The following ACACA variants were observed in gnomAD, a reference collection of about 807,000 sequenced individuals.
ACACA encodes acetyl-CoA carboxylase 1.
Under a neutral mutation model 296.1 loss-of-function variants are expected in ACACA, and 103 were observed. That is an observed-to-expected ratio of 0.35 (90% CI 0.30 to 0.41). The LOEUF (loss-of-function observed/expected upper bound fraction) is 0.41. Ranked by LOEUF, ACACA falls within the 10% of genes least tolerant of loss-of-function variation. ACACA has a pLI of 1.00. For synonymous variants in ACACA, 953 were observed against 1,038.6 expected, an observed-to-expected ratio of 0.92 and a Z score of 1.58; for missense variants, 1,554 against 2,989.7, an observed-to-expected ratio of 0.52 and a Z score of 11.20.
chr17:37,294,122 T>C (rs1241262140), intron 3 of ACACA, among the ~76,000 whole-genome samples: 1 of 151,488 alleles, frequency 6.6e-6, no homozygotes, highest in East Asian at 1.9e-4. Flanking sequence ...CTCTCATTCG[T>C]TGAAAAAAAA....
chr17:37,190,375 A>G (rs2145074826), intron 38 of ACACA, among the ~76,000 whole-genome samples: 1 of 151,970 alleles, frequency 6.6e-6, no homozygotes, highest in African/African-American at 2.4e-5. Flanking sequence ...GGTTGCAATG[A>G]GCTGAGATGG....
At chr17:37,122,490 A>T (rs981035536) in intron 49 of ACACA, 41 bp downstream of exon 49, 33 of 1,535,824 alleles carry the variant, frequency 2.1e-5, no homozygotes, top group Non-Finnish European at 2.9e-5. Context: ...GAAGAGAAAA[A>T]CCCTCCAAGC....
chr17:37,280,425 T>C (rs964693887), intron 5 of ACACA, among the ~76,000 whole-genome samples: 1 of 152,152 alleles, frequency 6.6e-6, no homozygotes, highest in African/African-American at 2.4e-5. Flanking sequence ...CAGGCTGACC[T>C]TGAACTCCTG....
chr17:37,373,687 T>G (rs1043199612), intron 1 of ACACA, among the ~76,000 whole-genome samples: 1 of 152,196 alleles, frequency 6.6e-6, no homozygotes, highest in Admixed American at 6.5e-5. Flanking sequence ...CTTGTGACAC[T>G]GGATGAGAAC....
chr17:37,346,950 G>A (rs1035887955), intron 1 of ACACA, among the ~76,000 whole-genome samples: 3 of 152,116 alleles, frequency 2.0e-5, no homozygotes, highest in African/African-American at 7.2e-5. Context: ...GCTGAAATGA[G>A]TTAAGACTTT....
intron 39 of ACACA, among the ~76,000 whole-genome samples, chr17:37,184,219 C>T (rs911633982): frequency 6.6e-6 from 1 of 152,112 alleles, no homozygotes; most frequent in African/African-American, 2.4e-5. Flanking sequence ...TCACACAAAT[C>T]GTTGTAAACT....
At chr17:37,219,626 A>C (rs1032634194) in intron 29 of ACACA, among the ~76,000 whole-genome samples, 2 of 151,392 alleles carry the variant, frequency 1.3e-5, no homozygotes, top group Non-Finnish European at 2.9e-5. Flanking sequence ...ATAAATCCAA[A>C]TTTTAACAAA....
intron 1 of ACACA, among the ~76,000 whole-genome samples, chr17:37,346,879 T>C (rs1460568028): frequency 6.6e-6 from 1 of 152,144 alleles, no homozygotes; most frequent in Non-Finnish European, 1.5e-5. Flanking sequence ...TACAGGCTCA[T>C]AGGCAGAAGG....
intron 1 of ACACA, among the ~76,000 whole-genome samples, chr17:37,399,304 A>T (rs2051203479): frequency 6.6e-6 from 1 of 152,098 alleles, no homozygotes; most frequent in Admixed American, 6.6e-5. Flanking sequence ...GGTGATAAGG[A>T]GTGGAGACAG....
At chr17:37,317,554 C>T (rs2047155796) in intron 3 of ACACA, among the ~76,000 whole-genome samples, 2 of 152,084 alleles carry the variant, frequency 1.3e-5, no homozygotes, top group Non-Finnish European at 2.9e-5. Context: ...CACAGCAAGA[C>T]TCTATCTGGA....
chr17:37,322,536 T>G (rs886099821), intron 3 of ACACA, among the ~76,000 whole-genome samples: 2 of 152,008 alleles, frequency 1.3e-5, no homozygotes, highest in African/African-American at 4.8e-5. Context: ...TGGACCTAAG[T>G]GAGAACAGGC....
chr17:37,390,330 A>ATATATATATATATATATATATATC lies in ACACA; in HGVS notation c.38+15931_38+15932insGATATATATATATATATATATATA, dbSNP rs1386032855. On this transcript the variant is annotated intron_variant, in intron 1 of 55. Coordinates refer to ENST00000616317, the MANE Select transcript of ACACA (RefSeq NM_198834.3). Reference sequence around the variant, plus strand: ...TATATATATATATATATATATATATATATAAAAGGCCAGCTGGGCCGGGCA... The same window carrying ATATATATATATATATATATATATC: ...TATATATATATATATATATATATATATATATATATATATATATATATATCTATAAAAGGCCAGCTGGGCCGGGCA... Among the ~76,000 whole-genome samples the ATATATATATATATATATATATATC allele has an allele frequency of 2.3e-3, 96 of 41,502 alleles. 6 individuals carry two copies. The highest frequency in any genetic ancestry group is 3.8e-3 in the African/African-American group (30 of 7,826). 27.2% of individuals were successfully genotyped at this position (41,502 alleles called of 152,430 possible).
At chr17:37,170,228 AT>A (rs1021193741) in intron 41 of ACACA, among the ~76,000 whole-genome samples, 85 of 152,190 alleles carry the variant, frequency 5.6e-4, no homozygotes, top group African/African-American at 1.9e-3. Flanking sequence ...AGAAATAAAT[AT>A]TTGTTTCCCT....
At chr17:37,160,310 T>C (rs781158014) in intron 42 of ACACA, among the ~76,000 whole-genome samples, 3 of 152,146 alleles carry the variant, frequency 2.0e-5, no homozygotes, top group East Asian at 1.9e-4. Flanking sequence ...AGAGGAGGGA[T>C]TGTCTTTAGA....
In ACACA at chr17:37,377,744, G is replaced by A. The variant is rs2042635200; in HGVS notation, c.38+28518C>T. 5.9e-6 allele frequency: 3 copies of A among 507,506 alleles called. No homozygotes were observed. The Admixed American group carries it at 1.1e-4, about 19-fold the overall frequency. 31.4% of individuals were successfully genotyped at this position (507,506 alleles called of 1,614,324 possible). A position where few individuals can be genotyped will look rare whatever the true frequency, so the allele number is the denominator to read the frequency against. On this transcript the variant is annotated intron_variant, in intron 1 of 55. Transcript: ENST00000616317. ...TAGAGAGTGTTTGATCTCCCAAGTT[G>A]CAAGTTTTATGAGCAGGAACTGCAA...
intron 52 of ACACA, 65 bp from the exon 53 acceptor site, chr17:37,098,049 G>C: frequency 6.2e-7 from 1 of 1,605,298 alleles, no homozygotes; most frequent in Non-Finnish European, 8.5e-7. Context: ...CACAAAAGCA[G>C]CCACAATCAC....
At position 37,105,708 on chromosome 17, in the gene ACACA, T is replaced by C. The variant is rs75734555; in HGVS notation, c.6565+5823A>G. ...AAAGAAACCCCATCTCTGCTAAAAA[T>C]ACAAAATTAGTCGGGCATGGTGGTG... On this transcript the variant is annotated intron_variant, in intron 52 of 55. Transcript: ENST00000616317. 5.1e-3 allele frequency among the ~76,000 whole-genome samples: 766 copies of C among 151,426 alleles called. 24 individuals carry two copies. The East Asian group carries it at 0.087, about 17-fold the overall frequency.
intron 9 of ACACA, 41 bp downstream of exon 9, chr17:37,274,151 TG>T: frequency 6.6e-7 from 1 of 1,520,510 alleles, no homozygotes; most frequent in East Asian, 2.3e-5. Flanking sequence ...TGACTATAAC[TG>T]GTCAGCTGAA....
chr17:37,312,901 G>A (rs1439799422), intron 3 of ACACA, among the ~76,000 whole-genome samples: 2 of 152,090 alleles, frequency 1.3e-5, no homozygotes, highest in Admixed American at 6.6e-5. Context: ...AATATATAAA[G>A]GGAAAAAATA....
Sources: allele counts gnomAD v4.1 joint callset (sites outside exome capture counted in the v4.1 genomes callset), GRCh38; gene constraint gnomAD v4.1.1; transcripts MANE v1.5; gene names NCBI Gene and HGNC (gene_info 2026-07-23, HGNC 2026-07-21).